The following RPH3AL variants were observed in gnomAD, a reference collection of about 807,000 sequenced individuals.
RPH3AL encodes rabphilin 3A like (without C2 domains), also known as rab effector Noc2.
In RPH3AL, 38 loss-of-function variants were observed where a neutral mutation model predicts 43.1. The ratio of observed to expected loss-of-function variants is 0.88; its 90% CI spans 0.68 to 1.15. RPH3AL has a LOEUF of 1.15. Among genes scored for constraint, RPH3AL ranks in the 50% most tolerant of loss-of-function variants. RPH3AL has a pLI of 0.00. For synonymous variants in RPH3AL, 189 were observed against 176.3 expected (o/e 1.07, Z -0.57); for missense variants, 462 against 423.2 (o/e 1.09, Z -0.81).
intron 5 of RPH3AL, among the ~76,000 whole-genome samples, chr17:292,640 C>T (rs2043073579): frequency 6.6e-6 from 1 of 152,168 alleles, no homozygotes; most frequent in Non-Finnish European, 1.5e-5. Flanking sequence ...GGCTAGCACA[C>T]TCTTGCAGGC....
chr17:316,369 G>A (rs200423375), intron 5 of RPH3AL, among the ~76,000 whole-genome samples: 11,038 of 131,954 alleles, frequency 0.084, no homozygotes, highest in African/African-American at 0.11. Context: ...CACCTCCATT[G>A]ACCTGTAGTC....
At chr17:220,113 C>T (rs1257245278) in intron 7 of RPH3AL, among the ~76,000 whole-genome samples, 5 of 147,246 alleles carry the variant, frequency 3.4e-5, no homozygotes, top group Non-Finnish European at 7.7e-5. Flanking sequence ...GAGGCCTCCA[C>T]TCACTGAGAC....
At chr17:234,949 C>G (rs1452973794) in intron 7 of RPH3AL, among the ~76,000 whole-genome samples, 1 of 152,202 alleles carries the variant, frequency 6.6e-6, no homozygotes, top group East Asian at 1.9e-4. Context: ...ACAACTGCAC[C>G]TCATTAAGAA....
intron 7 of RPH3AL, among the ~76,000 whole-genome samples, chr17:232,132 G>A (rs117033643): frequency 0.16 from 24,519 of 152,104 alleles, 2,401 homozygotes; most frequent in Non-Finnish European, 0.22. Context: ...AGCAAGACGT[G>A]GCCGGGCCTC....
intron 7 of RPH3AL, among the ~76,000 whole-genome samples, chr17:241,412 A>G (rs2041530864): frequency 6.6e-6 from 1 of 152,198 alleles, no homozygotes; most frequent in Non-Finnish European, 1.5e-5. Flanking sequence ...TAAAAAAGTA[A>G]AAAAACCTAG....
intron 1 of RPH3AL, among the ~76,000 whole-genome samples, chr17:336,948 C>G (rs560316247): frequency 6.6e-6 from 1 of 152,172 alleles, no homozygotes; most frequent in Non-Finnish European, 1.5e-5. Flanking sequence ...GGCTCCCATT[C>G]GGCTTGAGCC....
chr17:238,188 A>G (rs888766671), intron 7 of RPH3AL, among the ~76,000 whole-genome samples: 17 of 150,552 alleles, frequency 1.1e-4, no homozygotes, highest in Admixed American at 1.1e-3. Context: ...AGAGAGAAAG[A>G]AAGGAAGGAA....
chr17:319,083 C>G (rs2044384731), intron 5 of RPH3AL, among the ~76,000 whole-genome samples: 1 of 152,194 alleles, frequency 6.6e-6, no homozygotes, highest in African/African-American at 2.4e-5. Flanking sequence ...ATATTACAGA[C>G]AAGGAACATC....
intron 5 of RPH3AL, among the ~76,000 whole-genome samples, chr17:316,552 G>C (rs567635109): frequency 2.6e-4 from 36 of 138,540 alleles, no homozygotes; most frequent in South Asian, 1.2e-3. Context: ...CACCTCCACT[G>C]ACATGTAGTC....
At position 292,926 on chromosome 17, in the gene RPH3AL, C is replaced by T. The variant is rs548369070; in HGVS notation, c.352-11072G>A. Among the ~76,000 whole-genome samples, 59 of 152,354 alleles carry T rather than the reference C, an allele frequency of 3.9e-4. No individual in the cohort carries two copies. The South Asian group carries it at 4.8e-3, about 12-fold the overall frequency. ...AGCCTTAATGCCAGCCACCTGCTGC[C>T]GGGTCTGAGACAGAAGCCAGAGGCA... On this transcript the variant is annotated intron_variant, in intron 5 of 9. Coordinates refer to ENST00000331302, the MANE Select transcript of RPH3AL (RefSeq NM_006987.4).
intron 5 of RPH3AL, among the ~76,000 whole-genome samples, chr17:314,345 C>T (rs1428469570): frequency 1.3e-5 from 2 of 151,750 alleles, no homozygotes; most frequent in Admixed American, 6.6e-5. Flanking sequence ...TGCCAGCTCC[C>T]GTTCTCCCAG....
chr17:213,716 G>T lies in RPH3AL; in HGVS notation c.*136C>A, dbSNP rs922239498. 18 of 730,462 alleles carry T rather than the reference G, an allele frequency of 2.5e-5. No individual in the cohort carries two copies. The highest frequency in any genetic ancestry group is 3.6e-5 in the Non-Finnish European group (15 of 415,456). The allele number at this position is 730,462 out of a possible 1,614,324, so 45.2% of individuals were successfully genotyped here. A position where few individuals can be genotyped will look rare whatever the true frequency, so the allele number is the denominator to read the frequency against. On this transcript the variant is annotated 3_prime_UTR_variant, in exon 10 of 10. Transcript: ENST00000331302. ...AGAAAGGCACTGAGCTGGGGAGGCA[G>T]ACGGCTCCCAACACTGGTTTGTTGA...
intron 6 of RPH3AL, among the ~76,000 whole-genome samples, chr17:252,257 G>C (rs577435802): frequency 2.0e-5 from 3 of 151,924 alleles, no homozygotes; most frequent in African/African-American, 7.3e-5. Context: ...TTACAAACAC[G>C]AGCCACCACG....
intron 8 of RPH3AL, among the ~76,000 whole-genome samples, chr17:216,635 C>A (rs1000495048): frequency 2.6e-5 from 4 of 152,052 alleles, no homozygotes; most frequent in Admixed American, 1.3e-4. Flanking sequence ...GCCCTGGAAA[C>A]CGAGGCTGGC....
chr17:348,652 C>T (rs185706852), intron 1 of RPH3AL, among the ~76,000 whole-genome samples: 5 of 152,210 alleles, frequency 3.3e-5, no homozygotes, highest in East Asian at 1.9e-4. Flanking sequence ...AATCTTGCCA[C>T]GCCACTAATA....
intron 5 of RPH3AL, among the ~76,000 whole-genome samples, chr17:315,473 C>CACCTGCATTGACCTGTAGTCCCTGTGCGT (rs2043974514): frequency 9.8e-5 from 3 of 30,578 alleles, no homozygotes; most frequent in Non-Finnish European, 7.4e-5. Flanking sequence ...TCCCTGTGCT[C>CACCTGCATTGACCTGTAGTCCCTGTGCGT]CCACCTCCAT....
rs112690525 is a variant in RPH3AL at position 306,324 on chromosome 17, G to A, written c.351+13096C>T. 782 of 151,938 alleles carry A rather than the reference G, an allele frequency of 5.1e-3. 4 individuals carry two copies. The highest frequency in any genetic ancestry group is 0.01 in the Middle Eastern group (3 of 296). The allele number at this position is 151,938 out of a possible 1,614,324, so 9.4% of individuals were successfully genotyped here. On this transcript the variant is annotated intron_variant, in intron 5 of 9. Coordinates refer to ENST00000331302, the MANE Select transcript of RPH3AL (RefSeq NM_006987.4). The stretch of plus-strand genomic sequence containing the variant: ...AGCCCTCCACGCAGGCCCCACGCAC[G>A]TGCGCAGCCTGGCCGGTAAGGCCAT...
intron 1 of RPH3AL, among the ~76,000 whole-genome samples, chr17:335,467 C>A (rs915382370): frequency 6.6e-6 from 1 of 152,070 alleles, no homozygotes; most frequent in African/African-American, 2.4e-5. Flanking sequence ...ATGAAATGCA[C>A]GGCCCGGCCA....
At chr17:348,374 C>T (rs960930751) in intron 1 of RPH3AL, among the ~76,000 whole-genome samples, 2 of 152,108 alleles carry the variant, frequency 1.3e-5, no homozygotes, top group African/African-American at 4.8e-5. Flanking sequence ...GTACACTACA[C>T]GTTTCAGTTA....
Sources: allele counts gnomAD v4.1 joint callset (sites outside exome capture counted in the v4.1 genomes callset), GRCh38; gene constraint gnomAD v4.1.1; transcripts MANE v1.5; gene names NCBI Gene and HGNC (gene_info 2026-07-23, HGNC 2026-07-21).